ANKS1B: variants seen among roughly 807,000 people sequenced by gnomAD.
The protein encoded by ANKS1B is ankyrin repeat and sterile alpha motif domain-containing protein 1B.
A neutral mutation model predicts 148.3 loss-of-function variants in ANKS1B; 36 were observed. The ratio of observed to expected loss-of-function variants is 0.24; its 90% CI spans 0.19 to 0.32. The LOEUF (loss-of-function observed/expected upper bound fraction) is 0.32. ANKS1B is among the 10% of genes least tolerant of loss of function. The pLI is 1.00. For synonymous variants in ANKS1B, 542 were observed against 560.8 expected (o/e 0.97, Z 0.47); for missense variants, 1,157 against 1,542.6 (o/e 0.75, Z 4.19).
chr12:99,811,507 T>TA (rs2153666658), intron 3 of ANKS1B, among the ~76,000 whole-genome samples: 1 of 152,078 alleles, frequency 6.6e-6, no homozygotes, highest in African/African-American at 2.4e-5. Flanking sequence ...CCTATCTGTT[T>TA]AGAATACTGA....
At chr12:98,991,179 A>AT (rs1382564830) in intron 17 of ANKS1B, among the ~76,000 whole-genome samples, 1 of 152,218 alleles carries the variant, frequency 6.6e-6, no homozygotes, top group Admixed American at 6.5e-5. Context: ...TATGGGAGGC[A>AT]TTACACTGAA....
At chr12:99,163,602 T>C (rs2076914123) in intron 14 of ANKS1B, among the ~76,000 whole-genome samples, 1 of 152,132 alleles carries the variant, frequency 6.6e-6, no homozygotes, top group African/African-American at 2.4e-5. Context: ...CTGGAACTTT[T>C]TTTTATGGCC....
intron 9 of ANKS1B, among the ~76,000 whole-genome samples, chr12:99,651,629 G>C (rs1484060690): frequency 1.3e-5 from 2 of 151,868 alleles, no homozygotes; most frequent in Non-Finnish European, 2.9e-5. Flanking sequence ...ATATTCCTTT[G>C]GTAAATATTT....
At chr12:98,913,768 C>T (rs1346153353) in intron 17 of ANKS1B, among the ~76,000 whole-genome samples, 1 of 152,150 alleles carries the variant, frequency 6.6e-6, no homozygotes, top group Non-Finnish European at 1.5e-5. Flanking sequence ...GCTACGATGA[C>T]AGACGCGTGC....
intron 19 of ANKS1B, among the ~76,000 whole-genome samples, chr12:98,818,662 T>C (rs1169274670): frequency 1.3e-5 from 2 of 152,244 alleles, no homozygotes; most frequent in African/African-American, 2.4e-5. Flanking sequence ...ATCAGCTTTT[T>C]ATCATAACAT....
At chr12:99,979,033 T>G (rs1251087450) in intron 1 of ANKS1B, among the ~76,000 whole-genome samples, 3 of 152,248 alleles carry the variant, frequency 2.0e-5, no homozygotes, top group Non-Finnish European at 4.4e-5. Context: ...TGGAAATTAG[T>G]TTTGTTTAGA....
chr12:98,743,858 A>C, downstream of ANKS1B: 1 of 370,420 alleles, frequency 2.7e-6, no homozygotes, highest in Non-Finnish European at 3.7e-6. Flanking sequence ...ACTTTTCTCA[A>C]CAATTTTGCC....
chr12:99,538,809 C>T (rs12315830), intron 9 of ANKS1B, among the ~76,000 whole-genome samples: 2,317 of 152,224 alleles, frequency 0.015, 57 homozygotes, highest in African/African-American at 0.051. Context: ...GCATCCTTGT[C>T]ATGTTCCAGA....
intron 8 of ANKS1B, among the ~76,000 whole-genome samples, chr12:99,685,073 A>C (rs758564497): frequency 6.6e-6 from 1 of 152,232 alleles, no homozygotes; most frequent in Non-Finnish European, 1.5e-5. Flanking sequence ...AGAGATAAAT[A>C]GATAAGACTC....
chr12:99,214,776 G>T (rs573152863), intron 14 of ANKS1B, among the ~76,000 whole-genome samples: 7 of 152,282 alleles, frequency 4.6e-5, no homozygotes, highest in Admixed American at 1.3e-4. Flanking sequence ...ACTTTGGAGG[G>T]CTCAGAAAAG....
intron 10 of ANKS1B, among the ~76,000 whole-genome samples, chr12:99,498,064 T>A (rs932750435): frequency 6.6e-6 from 1 of 152,198 alleles, no homozygotes; most frequent in African/African-American, 2.4e-5. Context: ...TGAGCTTTAC[T>A]CCTACATGCT....
intron 12 of ANKS1B, among the ~76,000 whole-genome samples, chr12:99,376,223 A>G (rs11109816): frequency 2.0e-5 from 3 of 152,222 alleles, no homozygotes; most frequent in Admixed American, 2.0e-4. Flanking sequence ...CTCTGTGGAT[A>G]CGAAAAAAAA....
At chr12:99,214,429 C>A (rs2083834067) in intron 14 of ANKS1B, among the ~76,000 whole-genome samples, 1 of 152,122 alleles carries the variant, frequency 6.6e-6, no homozygotes, top group Admixed American at 6.5e-5. Flanking sequence ...ATCATGGGGG[C>A]AGTTTTTCCC....
At chr12:99,142,024 T>C (rs1481152356) in intron 15 of ANKS1B, among the ~76,000 whole-genome samples, 1 of 151,866 alleles carries the variant, frequency 6.6e-6, no homozygotes, top group South Asian at 2.1e-4. Flanking sequence ...GTAGAATATA[T>C]AGGAGGTAGA....
intron 17 of ANKS1B, among the ~76,000 whole-genome samples, chr12:98,871,376 T>C (rs188618407): frequency 1.6e-4 from 25 of 152,280 alleles, no homozygotes; most frequent in African/African-American, 5.1e-4. Context: ...ATTTCTACGA[T>C]AGAAAAGTAC....
chr12:99,803,916 G>A (rs1258826278), intron 4 of ANKS1B, among the ~76,000 whole-genome samples: 3 of 152,158 alleles, frequency 2.0e-5, no homozygotes, highest in African/African-American at 7.2e-5. Context: ...TCATGGATGG[G>A]AGTTATTCTT....
In ANKS1B at chr12:99,650,209, T is replaced by A. The variant is rs549716915; in HGVS notation, c.1272+4858A>T. 1.0e-4 allele frequency among the ~76,000 whole-genome samples: 11 copies of A among 108,736 alleles called. No homozygotes were observed. In the South Asian group the frequency reaches 2.9e-3, roughly 29 times the overall value. The allele number at this position is 108,736 out of a possible 152,430, so 71.3% of individuals were successfully genotyped here. On this transcript the variant is annotated intron_variant, in intron 9 of 26. Transcript: ENST00000683438. ...CAGAATAAAATGTTGAAGATTACTC[T>A]CAGATATGATCCTACATTAGGAGAA...
chr12:99,173,173 T>G (rs1233813028), intron 14 of ANKS1B, among the ~76,000 whole-genome samples: 1 of 152,148 alleles, frequency 6.6e-6, no homozygotes, highest in Non-Finnish European at 1.5e-5. Context: ...CTTAGCCTAT[T>G]TTAACTGTTC....
intron 8 of ANKS1B, among the ~76,000 whole-genome samples, chr12:99,739,447 C>T (rs560333888): frequency 6.6e-5 from 10 of 151,876 alleles, no homozygotes; most frequent in African/African-American, 2.4e-4. Flanking sequence ...GGATTCAAAT[C>T]CTGACTCCAG....
Sources: gnomAD v4.1 joint callset for allele counts (sites outside exome capture counted in the v4.1 genomes callset) on GRCh38, gnomAD v4.1.1 for gene constraint, MANE v1.5 for transcripts, NCBI Gene and HGNC (gene_info 2026-07-23, HGNC 2026-07-21) for gene names.